Variants in SORCS3 observed in about 807,000 individuals in gnomAD.
The protein encoded by SORCS3 is VPS10 domain-containing receptor SorCS3.
In SORCS3, 57 loss-of-function variants were observed where a neutral mutation model predicts 146.3. That is an observed-to-expected ratio of 0.39 (90% CI 0.31 to 0.49). SORCS3 has a LOEUF of 0.49. SORCS3 is among the 20% of genes least tolerant of loss of function. The probability of loss-of-function intolerance (pLI) is 0.92; values close to 1 mark genes in which losing one functional copy is unlikely to be tolerated. For missense variants in SORCS3, 1,341 were observed against 1,575.5 expected (o/e 0.85, Z 2.52); for synonymous variants, 653 against 618.5 (o/e 1.06, Z -0.83).
At chr10:105,010,586 T>C (rs2055129026) in intron 4 of SORCS3, among the ~76,000 whole-genome samples, 1 of 152,222 alleles carries the variant, frequency 6.6e-6, no homozygotes, top group African/African-American at 2.4e-5. Flanking sequence ...CCCCAGCTAC[T>C]CTTGCATTCA....
chr10:105,103,880 G>A (rs2133752111), intron 6 of SORCS3, among the ~76,000 whole-genome samples: 1 of 152,252 alleles, frequency 6.6e-6, no homozygotes. Flanking sequence ...GTAGTAACTA[G>A]CTACATATAT....
At chr10:104,748,821 C>A (rs2016946179) in intron 1 of SORCS3, among the ~76,000 whole-genome samples, 1 of 152,178 alleles carries the variant, frequency 6.6e-6, no homozygotes, top group Admixed American at 6.5e-5. Flanking sequence ...CCATTGCACT[C>A]CAGCCTGGGC....
chr10:104,970,732 A>G (rs2054856063), intron 3 of SORCS3, among the ~76,000 whole-genome samples: 1 of 151,452 alleles, frequency 6.6e-6, no homozygotes, highest in Non-Finnish European at 1.5e-5. Context: ...TGAGAAAAGA[A>G]AGTAAGCTTG....
intron 1 of SORCS3, among the ~76,000 whole-genome samples, chr10:104,722,139 G>T (rs1390968167): frequency 3.3e-5 from 5 of 152,034 alleles, no homozygotes; most frequent in Admixed American, 6.6e-5. Flanking sequence ...CTTATTATTT[G>T]GAGATTCATC....
At chr10:105,188,594 A>G (rs1232766162) in intron 14 of SORCS3, among the ~76,000 whole-genome samples, 1 of 152,194 alleles carries the variant, frequency 6.6e-6, no homozygotes, top group Admixed American at 6.5e-5. Context: ...TGTAAAATAA[A>G]ATTTCAGGAA....
At chr10:105,032,831 A>C (rs1005159471) in intron 4 of SORCS3, among the ~76,000 whole-genome samples, 3 of 152,156 alleles carry the variant, frequency 2.0e-5, no homozygotes, top group Admixed American at 6.5e-5. Context: ...CAGGCAATAA[A>C]GTAGATATTA....
At chr10:104,995,429 A>C (rs890338160) in intron 4 of SORCS3, among the ~76,000 whole-genome samples, 1 of 152,084 alleles carries the variant, frequency 6.6e-6, no homozygotes, top group African/African-American at 2.4e-5. Flanking sequence ...AAGTACTAGG[A>C]TTACAGGCTT....
Position 105,157,130 on chromosome 10 carries a change from T to C in SORCS3, c.1483-8T>C. On this transcript the variant is annotated splice_polypyrimidine_tract_variant and splice_region_variant and intron_variant, in intron 9 of 26. Coordinates refer to ENST00000369701, the MANE Select transcript of SORCS3 (RefSeq NM_014978.3). ...GCATGGTTCTCCATCTCTCACCTTT[T>C]TTCCTAGGTAGCAGGTATCAAAGGG... The C allele has an allele frequency of 6.2e-7, 1 of 1,613,724 alleles. No homozygotes were observed. The highest frequency in any genetic ancestry group is 8.5e-7 in the Non-Finnish European group (1 of 1,179,750).
rs574106481 is a variant in SORCS3, at chr10:105,195,439, C to G, written c.2010-4560C>G. Among the ~76,000 whole-genome samples, 10 of 152,276 alleles carry G rather than the reference C, an allele frequency of 6.6e-5. No individual in the cohort carries two copies. The South Asian group carries it at 1.9e-3, about 28-fold the overall frequency. ...CCCACTTCAATTTCTCTGTTGGTGTCTTACTTCCACAGATCTTGTTGTAAA... is the reference window on the plus strand; with the variant it reads ...CCCACTTCAATTTCTCTGTTGGTGTGTTACTTCCACAGATCTTGTTGTAAA... On this transcript the variant is annotated intron_variant, in intron 14 of 26. Transcript: ENST00000369701.
intron 1 of SORCS3, among the ~76,000 whole-genome samples, chr10:104,718,621 G>A (rs2016507788): frequency 6.6e-6 from 1 of 152,176 alleles, no homozygotes; most frequent in Admixed American, 6.5e-5. Flanking sequence ...TCTACTGCAG[G>A]AAATAAATCT....
chr10:104,960,589 C>A (rs73349922), intron 3 of SORCS3, among the ~76,000 whole-genome samples: 9,014 of 152,138 alleles, frequency 0.059, 263 homozygotes, highest in African/African-American at 0.074. Context: ...ATCCATTAAT[C>A]CATTAACCAT....
intron 1 of SORCS3, among the ~76,000 whole-genome samples, chr10:104,807,896 C>T (rs1481584124): frequency 2.0e-5 from 3 of 152,166 alleles, no homozygotes; most frequent in Non-Finnish European, 4.4e-5. Context: ...AGGCCTGCCT[C>T]TGCCATGATA....
chr10:104,684,390 G>T (rs185159601), intron 1 of SORCS3, among the ~76,000 whole-genome samples: 1 of 152,348 alleles, frequency 6.6e-6, no homozygotes, highest in East Asian at 1.9e-4. Flanking sequence ...CTCTGGAATA[G>T]TGACATACAG....
intron 5 of SORCS3, among the ~76,000 whole-genome samples, chr10:105,059,518 T>C (rs2055468979): frequency 6.6e-6 from 1 of 152,196 alleles, no homozygotes; most frequent in Non-Finnish European, 1.5e-5. Context: ...AAAGACACTT[T>C]TGAGTCCCTA....
intron 17 of SORCS3, among the ~76,000 whole-genome samples, chr10:105,211,710 G>A (rs1295516297): frequency 6.6e-6 from 1 of 152,164 alleles, no homozygotes; most frequent in Non-Finnish European, 1.5e-5. Context: ...ATCCCTTTCA[G>A]GAATTCTCAA....
intron 1 of SORCS3, among the ~76,000 whole-genome samples, chr10:104,766,815 A>G (rs74155029): frequency 0.017 from 2,615 of 152,312 alleles, 77 homozygotes; most frequent in African/African-American, 0.06. Context: ...ATAATTCTCC[A>G]TTGTAACTTG....
At chr10:105,205,646 T>G (rs2056598169) in intron 16 of SORCS3, among the ~76,000 whole-genome samples, 1 of 152,164 alleles carries the variant, frequency 6.6e-6, no homozygotes, top group African/African-American at 2.4e-5. Context: ...ATTCACTTGT[T>G]CAGTGAGAAA....
intron 1 of SORCS3, among the ~76,000 whole-genome samples, chr10:104,654,096 C>T (rs2015595964): frequency 6.6e-6 from 1 of 152,130 alleles, no homozygotes; most frequent in African/African-American, 2.4e-5. Flanking sequence ...AACATAATGA[C>T]CTCTACTTCC....
intron 9 of SORCS3, among the ~76,000 whole-genome samples, chr10:105,153,636 T>C (rs790750): frequency 2.1e-5 from 3 of 145,496 alleles, no homozygotes; most frequent in African/African-American, 8.3e-5. Context: ...AGAGAGAGAG[T>C]GTGTGTGTAT....
Sources: gnomAD v4.1 joint callset for allele counts (sites outside exome capture counted in the v4.1 genomes callset) on GRCh38, gnomAD v4.1.1 for gene constraint, MANE v1.5 for transcripts, NCBI Gene and HGNC (gene_info 2026-07-23, HGNC 2026-07-21) for gene names.